The following ZNRF3 variants were observed in gnomAD, a reference collection of about 807,000 sequenced individuals.
ZNRF3 encodes the protein E3 ubiquitin-protein ligase ZNRF3.
In ZNRF3, 23 loss-of-function variants were observed where a neutral mutation model predicts 72.5. The observed-to-expected ratio is 0.32, with a 90% confidence interval of 0.23 to 0.45. ZNRF3 has a LOEUF of 0.45. Ranked by LOEUF, ZNRF3 falls within the 20% of genes least tolerant of loss-of-function variation. The pLI, the probability that ZNRF3 is intolerant of heterozygous loss-of-function variation, is 1.00. For missense variants in ZNRF3, 1,169 were observed against 1,272.1 expected, an observed-to-expected ratio of 0.92 and a Z score of 1.23; for synonymous variants, 610 against 545.3, an observed-to-expected ratio of 1.12 and a Z score of -1.65.
intron 1 of ZNRF3, among the ~76,000 whole-genome samples, chr22:28,970,861 G>A (rs1475081149): frequency 6.6e-6 from 1 of 152,224 alleles, no homozygotes; most frequent in South Asian, 2.1e-4. Flanking sequence ...TGGGTATGGG[G>A]TGGAAGAAGA....
rs544268573 is a variant in ZNRF3 at position 28,899,793 on chromosome 22, G to A, written c.300+15727G>A. 2.7e-5 allele frequency among the ~76,000 whole-genome samples: 4 copies of A among 148,322 alleles called. No individual in the cohort carries two copies. In the South Asian group the frequency reaches 8.6e-4, roughly 32 times the overall value. On this transcript the variant is annotated intron_variant, in intron 1 of 8. Transcript: ENST00000544604. ...TAGCCTCGACCTCCTAGGCTCAAAC[G>A]ATCCTCCCACCTCAGCCTCCCAAGT...
At chr22:28,933,025 G>A (rs1211244864) in intron 1 of ZNRF3, among the ~76,000 whole-genome samples, 2 of 152,218 alleles carry the variant, frequency 1.3e-5, no homozygotes, top group Non-Finnish European at 2.9e-5. Flanking sequence ...AGGATGAAGT[G>A]TGTGTTCCAC....
At position 29,049,218 on chromosome 22, in the gene ZNRF3, C is replaced by T. The variant is rs1289797368; in HGVS notation, c.1037C>T (p.Ala346Val). 6 of 1,605,978 alleles carry T rather than the reference C, an allele frequency of 3.7e-6. 1 individual carries two copies. Among genetic ancestry groups the T allele is most frequent in the Non-Finnish European group, 5.1e-6 (6 of 1,175,468 alleles). The change falls in exon 8 of 9, where the codon GCG (alanine) becomes GTG (valine). Residue 346 changes from alanine (A) to valine (V), a missense_variant. Ala to Val is a moderately conservative substitution (Grantham distance 64). Transcript: ENST00000544604. The surrounding 1 kb of genome is among the most constrained non-coding windows in gnomAD (Gnocchi z 5.2). ...CCAGAACAAAAGGGAAACCCAAGCG[C>T]GGTGTGTGTGGAGACCAGCAACCTC... ...NIIEQKGNPS[A>V]VCVETSNLSR...
At chr22:28,975,203 C>T (rs866375243) in intron 1 of ZNRF3, among the ~76,000 whole-genome samples, 17 of 151,760 alleles carry the variant, frequency 1.1e-4, no homozygotes, top group Non-Finnish European at 2.1e-4. Flanking sequence ...CGGATCATGA[C>T]GTCAAGAGTT....
chr22:29,007,765 T>C (rs1448123398), intron 2 of ZNRF3, among the ~76,000 whole-genome samples: 2 of 145,284 alleles, frequency 1.4e-5, no homozygotes, highest in East Asian at 2.0e-4. Context: ...TTTTTTTTTT[T>C]TTTTTTTTTG....
chr22:29,051,033 C>T, intron 8 of ZNRF3, 85 bp downstream of exon 8: 1 of 1,416,840 alleles, frequency 7.1e-7, no homozygotes, highest in Non-Finnish European at 9.4e-7. Flanking sequence ...TTCTGAATGA[C>T]TTCTTTTGTG....
Position 28,994,176 on chromosome 22 carries a change from CTTTTTTTTTTTTT to C in ZNRF3, c.426+6990_426+7002del, listed in dbSNP as rs57329565. ...TCCTTTATTGTCCTTCAGTTCCTTT[CTTTTTTTTTTTTT>C]TTTTTTTTTTTTTTGAGATGGAATT... On this transcript the variant is annotated intron_variant, in intron 2 of 8. Coordinates refer to ENST00000544604, the MANE Select transcript of ZNRF3 (RefSeq NM_001206998.2). Among the ~76,000 whole-genome samples the C allele has an allele frequency of 3.0e-4, 12 of 39,808 alleles. 1 individual carries two copies. The highest frequency in any genetic ancestry group is 1.3e-3 in the East Asian group (2 of 1,598). The allele number at this position is 39,808 out of a possible 152,430, so 26.1% of individuals were successfully genotyped here. A position where few individuals can be genotyped will look rare whatever the true frequency, so the allele number is the denominator to read the frequency against.
chr22:28,898,045 C>T (rs909910076), intron 1 of ZNRF3, among the ~76,000 whole-genome samples: 1 of 152,130 alleles, frequency 6.6e-6, no homozygotes, highest in African/African-American at 2.4e-5. Context: ...TAGTCTCAAA[C>T]GATCCTCCCA....
At chr22:28,890,289 A>G (rs1216712899) in intron 1 of ZNRF3, among the ~76,000 whole-genome samples, 2 of 152,226 alleles carry the variant, frequency 1.3e-5, no homozygotes, top group African/African-American at 4.8e-5. Context: ...TCACAAGGTC[A>G]GGAGATCGAG....
intron 1 of ZNRF3, among the ~76,000 whole-genome samples, chr22:28,892,322 A>G (rs1309046907): frequency 6.6e-6 from 1 of 152,196 alleles, no homozygotes; most frequent in African/African-American, 2.4e-5. Context: ...CTTACAGTAC[A>G]GTGGGGCATG....
chr22:28,997,791 A>G (rs1225737068), intron 2 of ZNRF3, among the ~76,000 whole-genome samples: 2 of 151,928 alleles, frequency 1.3e-5, no homozygotes, highest in African/African-American at 4.8e-5. Flanking sequence ...GGATAACTTG[A>G]AGTCAGGAGT....
At chr22:28,891,436 G>GACT (rs1473006344) in intron 1 of ZNRF3, among the ~76,000 whole-genome samples, 1 of 152,234 alleles carries the variant, frequency 6.6e-6, no homozygotes, top group East Asian at 1.9e-4. Context: ...TAGATTTTGA[G>GACT]TCTCTCAGTC....
At chr22:28,954,339 G>A (rs2123797526) in intron 1 of ZNRF3, among the ~76,000 whole-genome samples, 1 of 151,176 alleles carries the variant, frequency 6.6e-6, no homozygotes, top group Non-Finnish European at 1.5e-5. Context: ...CGAAGAAAGT[G>A]TGAGTGAGTG....
intron 2 of ZNRF3, among the ~76,000 whole-genome samples, chr22:29,029,798 C>G (rs776775575): frequency 6.6e-6 from 1 of 152,150 alleles, no homozygotes; most frequent in Non-Finnish European, 1.5e-5. Context: ...TCAGAGAGAG[C>G]CTGCCCGCCG....
intron 1 of ZNRF3, 104 bp from the exon 2 acceptor site, chr22:28,986,972 A>G: frequency 6.8e-7 from 1 of 1,465,342 alleles, no homozygotes; most frequent in Non-Finnish European, 9.1e-7. Flanking sequence ...TAAAATTTTA[A>G]GTTTTGACGT....
rs148469106 is a variant in ZNRF3, at chr22:29,009,218, C to T, written c.426+22017C>T. ...AAGAGATGAAACTCAACTTTTAAGA[C>T]TGGCTGGGTTTGGGGGAGGGAAGAG... On this transcript the variant is annotated intron_variant, in intron 2 of 8. Transcript: ENST00000544604. 1.8e-3 allele frequency among the ~76,000 whole-genome samples: 276 copies of T among 152,220 alleles called. 3 individuals carry two copies. Among genetic ancestry groups the T allele is most frequent in the African/African-American group, 6.3e-3 (262 of 41,498 alleles).
Position 28,962,629 on chromosome 22 carries a change from A to G in ZNRF3, c.301-24447A>G, listed in dbSNP as rs2035384655. Among the ~76,000 whole-genome samples the G allele has an allele frequency of 3.9e-5, 6 of 152,110 alleles. No individual in the cohort carries two copies. The South Asian group carries it at 1.0e-3, about 26-fold the overall frequency. On this transcript the variant is annotated intron_variant, in intron 1 of 8. Coordinates refer to ENST00000544604, the MANE Select transcript of ZNRF3 (RefSeq NM_001206998.2). The stretch of plus-strand genomic sequence containing the variant: ...GCTCCATGTGTCATTAGTCATTTAC[A>G]CTGTTGTGTGTGTCAGCCTCAATGT...
chr22:28,897,029 G>A (rs570936752), intron 1 of ZNRF3, among the ~76,000 whole-genome samples: 11 of 152,252 alleles, frequency 7.2e-5, no homozygotes, highest in African/African-American at 2.4e-4. Flanking sequence ...TCAGCCTTCC[G>A]AGTAGCTGGG....
chr22:28,947,553 A>G (rs2035075131), intron 1 of ZNRF3, among the ~76,000 whole-genome samples: 5 of 152,134 alleles, frequency 3.3e-5, no homozygotes, highest in Admixed American at 3.3e-4. Flanking sequence ...TGGCCATCCT[A>G]TATTAGCAGG....
Sources: allele counts gnomAD v4.1 joint callset (sites outside exome capture counted in the v4.1 genomes callset), GRCh38; gene constraint gnomAD v4.1.1; non-coding constraint Gnocchi (gnomAD v3.1); transcripts MANE v1.5; gene names NCBI Gene and HGNC (gene_info 2026-07-23, HGNC 2026-07-21).